ADAMTS12: variants seen among roughly 807,000 people sequenced by gnomAD.
The protein encoded by ADAMTS12 is A disintegrin and metalloproteinase with thrombospondin motifs 12.
In ADAMTS12, 118 loss-of-function variants were observed where a neutral mutation model predicts 167.8. The ratio of observed to expected loss-of-function variants is 0.70; its 90% confidence interval spans 0.61 to 0.82. ADAMTS12 has a LOEUF of 0.82. Ranked by LOEUF, ADAMTS12 falls within the 40% of genes least tolerant of loss-of-function variation. The pLI is 0.00. For synonymous variants in ADAMTS12, 704 were observed against 716.9 expected, an observed-to-expected ratio of 0.98 and a Z score of 0.29; for missense variants, 1,916 against 1,998.8, an observed-to-expected ratio of 0.96 and a Z score of 0.79.
chr5:33,549,341 G>A lies in ADAMTS12; in HGVS notation c.4168C>T (p.Gln1390Ter). 1 of 1,614,174 alleles carries A rather than the reference G, an allele frequency of 6.2e-7. No homozygotes were observed. The highest frequency in any genetic ancestry group is 8.5e-7 in the Non-Finnish European group (1 of 1,180,012). Residue 1390 changes from glutamine (Q) to a stop codon, truncating the protein, a stop_gained, in exon 21 of 24, where the codon CAG becomes TAG. Coordinates refer to ENST00000504830, the MANE Select transcript of ADAMTS12 (RefSeq NM_030955.4). LOFTEE classifies it high-confidence loss of function. ...CGGTGGTCCCGGCTGTCCACGCACT[G>A]AATCTCGCGTATCTTGAAGCCCCCA... ...CSGGFKIREI[Q>*]CVDSRDHRNL... is the part of the protein sequence containing the mutation.
At chr5:33,620,748 C>T (rs767705401) in intron 14 of ADAMTS12, among the ~76,000 whole-genome samples, 5 of 152,104 alleles carry the variant, frequency 3.3e-5, no homozygotes, top group Non-Finnish European at 5.9e-5. Context: ...ATTTTATGCA[C>T]TCATGGCATA....
At chr5:33,563,418 T>C (rs769114186) in intron 19 of ADAMTS12, among the ~76,000 whole-genome samples, 8 of 152,304 alleles carry the variant, frequency 5.3e-5, no homozygotes, top group South Asian at 2.1e-4. Context: ...CTTTCCATTC[T>C]TGCTCTTGGA....
At chr5:33,647,625 G>A (rs1740723721) in intron 9 of ADAMTS12, among the ~76,000 whole-genome samples, 2 of 152,148 alleles carry the variant, frequency 1.3e-5, no homozygotes, top group Admixed American at 1.3e-4. Flanking sequence ...CAGCTACTTG[G>A]GAGGCTGAGG....
At position 33,623,371 on chromosome 5, in the gene ADAMTS12, A is replaced by G. The variant is rs530159942; in HGVS notation, c.2143+860T>C. Among the ~76,000 whole-genome samples the G allele has an allele frequency of 1.2e-4, 18 of 152,286 alleles. 1 individual carries two copies. The South Asian group carries it at 3.5e-3, about 30-fold the overall frequency. The stretch of plus-strand genomic sequence containing the variant: ...AGTAACCTCAACCCATGACTGGTGG[A>G]AAGTGGTGTATATTATCTCAATTCC... On this transcript the variant is annotated intron_variant, in intron 14 of 23. Transcript: ENST00000504830.
intron 2 of ADAMTS12, among the ~76,000 whole-genome samples, chr5:33,775,204 T>C (rs1435014292): frequency 6.6e-6 from 1 of 152,176 alleles, no homozygotes; most frequent in African/African-American, 2.4e-5. Context: ...GTTCACCCCT[T>C]ATCTTAGGGC....
intron 18 of ADAMTS12, 100 bp from the exon 19 acceptor site, chr5:33,577,260 T>C: frequency 6.5e-7 from 1 of 1,530,262 alleles, no homozygotes; most frequent in Middle Eastern, 1.8e-4. Context: ...GAAACTAAAC[T>C]ATGCAGCTAA....
chr5:33,627,130 TGTG>T lies in ADAMTS12; in HGVS notation c.2023-2782_2023-2780del, dbSNP rs372666390. On this transcript the variant is annotated intron_variant, in intron 13 of 23. Transcript: ENST00000504830. ...ATGGTTGTGGTGGTGGTGGTGGTGA[TGTG>T]GTGGTGGTGGTGGTGGTCGTGGTGA... Among the ~76,000 whole-genome samples the T allele has an allele frequency of 1.9e-3, 247 of 133,108 alleles. 1 individual carries two copies. The highest frequency in any genetic ancestry group is 5.9e-3 in the African/African-American group (207 of 34,852). 87.3% of individuals were successfully genotyped at this position (133,108 alleles called of 152,430 possible). A position where few individuals can be genotyped will look rare whatever the true frequency, so the allele number is the denominator to read the frequency against.
chr5:33,766,213 C>G lies in ADAMTS12; in HGVS notation c.490-14665G>C, dbSNP rs181442954. ...TGAGGAAACATGGCAGGCACTACTT[C>G]AACCACGTGATCAAGGTTAGCATCA... On this transcript the variant is annotated intron_variant, in intron 2 of 23. Transcript: ENST00000504830. 8.0e-3 allele frequency among the ~76,000 whole-genome samples: 1,221 copies of G among 152,264 alleles called. 14 individuals carry two copies. Among genetic ancestry groups the G allele is most frequent in the Admixed American group, 0.031 (481 of 15,278 alleles).
At chr5:33,779,974 A>T (rs1192582758) in intron 2 of ADAMTS12, among the ~76,000 whole-genome samples, 1 of 152,236 alleles carries the variant, frequency 6.6e-6, no homozygotes, top group Admixed American at 6.5e-5. Flanking sequence ...CTACGAGAGT[A>T]GATCTTACAT....
intron 18 of ADAMTS12, among the ~76,000 whole-genome samples, chr5:33,578,769 C>T (rs1746891834): frequency 6.6e-6 from 1 of 152,176 alleles, no homozygotes; most frequent in African/African-American, 2.4e-5. Flanking sequence ...TGTAAAACAG[C>T]TCTGTGAAAT....
chr5:33,881,533 A>G (rs1750444682), intron 1 of ADAMTS12, 53 bp from the exon 2 acceptor site: 3 of 1,555,834 alleles, frequency 1.9e-6, no homozygotes, highest in Non-Finnish European at 2.6e-6. Flanking sequence ...TAGTAAAGCA[A>G]AGCCACTTTC....
chr5:33,700,372 C>T (rs868086688), intron 3 of ADAMTS12, among the ~76,000 whole-genome samples: 11 of 152,244 alleles, frequency 7.2e-5, no homozygotes, highest in Middle Eastern at 3.4e-3. Flanking sequence ...TTGATGGACA[C>T]AACAACTTGG....
chr5:33,789,469 C>A (rs1312741337), intron 2 of ADAMTS12, among the ~76,000 whole-genome samples: 1 of 152,226 alleles, frequency 6.6e-6, no homozygotes, highest in Non-Finnish European at 1.5e-5. Flanking sequence ...CTCTCAGGGT[C>A]TCTTCTTTAT....
intron 2 of ADAMTS12, among the ~76,000 whole-genome samples, chr5:33,842,807 G>T (rs1010412765): frequency 1.3e-5 from 2 of 152,084 alleles, no homozygotes; most frequent in African/African-American, 2.4e-5. Flanking sequence ...ATAACAGTGG[G>T]GTGCGAACAC....
At chr5:33,619,388 C>T (rs1013482862) in intron 14 of ADAMTS12, among the ~76,000 whole-genome samples, 1 of 152,134 alleles carries the variant, frequency 6.6e-6, no homozygotes, top group African/African-American at 2.4e-5. Context: ...TAGTAAAAGT[C>T]CTTTTTAGCA....
chr5:33,616,165 C>A, intron 14 of ADAMTS12, 93 bp from the exon 15 acceptor site: 3 of 1,508,608 alleles, frequency 2.0e-6, no homozygotes, highest in South Asian at 1.3e-5. Context: ...TCTTTCCAGC[C>A]TCCCCATCAT....
At chr5:33,549,110 G>A (rs927260471) in intron 21 of ADAMTS12, 97 bp downstream of exon 21, 43 of 1,431,802 alleles carry the variant, frequency 3.0e-5, no homozygotes, top group East Asian at 2.4e-5. Context: ...CAGGACACAG[G>A]TGTGGTCTTC....
intron 3 of ADAMTS12, among the ~76,000 whole-genome samples, chr5:33,698,898 T>G (rs1379759801): frequency 6.6e-6 from 1 of 152,240 alleles, no homozygotes; most frequent in African/African-American, 2.4e-5. Flanking sequence ...GGCTTACGCC[T>G]GTAATCCCAG....
chr5:33,874,025 G>C (rs894991811), intron 2 of ADAMTS12, among the ~76,000 whole-genome samples: 5 of 151,968 alleles, frequency 3.3e-5, no homozygotes, highest in African/African-American at 7.2e-5. Context: ...TTCAATGACT[G>C]TTTAGATACA....
Sources: allele counts gnomAD v4.1 joint callset (sites outside exome capture counted in the v4.1 genomes callset), GRCh38; gene constraint gnomAD v4.1.1; transcripts MANE v1.5; gene names NCBI Gene and HGNC (gene_info 2026-07-23, HGNC 2026-07-21).